CAPN13: variants seen among roughly 807,000 people sequenced by gnomAD.
CAPN13 encodes calpain-13.
A neutral mutation model predicts 98.4 loss-of-function variants in CAPN13; 90 were observed. That is an observed-to-expected ratio of 0.92 (90% CI 0.77 to 1.09). The LOEUF is 1.09. Among genes scored for constraint, CAPN13 ranks in the 50% least tolerant of loss-of-function variants. CAPN13 has a pLI of 0.00. For synonymous variants in CAPN13, 330 were observed against 305.5 expected (o/e 1.08, Z -0.84); for missense variants, 887 against 841.3 (o/e 1.05, Z -0.67).
chr2:30,777,009 G>T (rs1308260360), intron 3 of CAPN13, among the ~76,000 whole-genome samples: 1 of 152,190 alleles, frequency 6.6e-6, no homozygotes, highest in Non-Finnish European at 1.5e-5. Flanking sequence ...TTCTCAGAAG[G>T]GTTGTTGTTT....
At chr2:30,772,814 G>C (rs1044811646) in intron 4 of CAPN13, among the ~76,000 whole-genome samples, 3 of 131,874 alleles carry the variant, frequency 2.3e-5, no homozygotes, top group Admixed American at 8.7e-5. Context: ...CAAGGAGAGA[G>C]AGCATTTCTT....
At chr2:30,797,775 T>A (rs1464151239) in intron 1 of CAPN13, among the ~76,000 whole-genome samples, 1 of 152,196 alleles carries the variant, frequency 6.6e-6, no homozygotes, top group Non-Finnish European at 1.5e-5. Flanking sequence ...GACTGTCATC[T>A]CCTCTACCTG....
chr2:30,736,050 G>A (rs1461498269), intron 18 of CAPN13, among the ~76,000 whole-genome samples: 1 of 152,084 alleles, frequency 6.6e-6, no homozygotes, highest in Non-Finnish European at 1.5e-5. Context: ...CCCCAAATAG[G>A]GACCCACTTA....
Position 30,802,552 on chromosome 2 carries a change from G to T in CAPN13, c.-33+4750C>A, listed in dbSNP as rs867097632. Among the ~76,000 whole-genome samples, 310 of 149,592 alleles carry T rather than the reference G, an allele frequency of 2.1e-3. 3 individuals are homozygous for T. The highest frequency in any genetic ancestry group is 6.6e-3 in the African/African-American group (266 of 40,140). ...CAGAGAAAGGCAGGCTGGGGGGGGG[G>T]GGTGGTGGTTAGACCTCTGAGGTTT... is the stretch of plus-strand genomic sequence containing the variant. On this transcript the variant is annotated intron_variant, in intron 1 of 22. Transcript: ENST00000295055.
intron 5 of CAPN13, among the ~76,000 whole-genome samples, chr2:30,767,714 A>C (rs12478632): frequency 0.76 from 115,684 of 152,150 alleles, 44,491 homozygotes; most frequent in African/African-American, 0.87. Flanking sequence ...TGAATAAAAA[A>C]TTTAGTTTTT....
intron 17 of CAPN13, 186 bp downstream of exon 17, chr2:30,738,049 T>C (rs1336132746): frequency 1.5e-6 from 1 of 658,662 alleles, no homozygotes; most frequent in East Asian, 2.8e-5. Flanking sequence ...TGATAGATGG[T>C]AACTATTATC....
rs373056631 is a variant in CAPN13 at position 30,753,057 on chromosome 2, A to G, written c.1083T>C (p.Thr361=). ...MFRKQVILGN[T]AGGPRNDAQF... Reference sequence around the variant, plus strand: ...GACCACCAGCGTCATGATTACCTGCAGTGTTTCCTAGAATCACTTGCTTCC... The same window carrying G: ...GACCACCAGCGTCATGATTACCTGCGGTGTTTCCTAGAATCACTTGCTTCC... Residue 361 remains threonine, a synonymous_variant, in exon 10 of 23, where the codon ACT becomes ACC. Coordinates refer to ENST00000295055, the MANE Select transcript of CAPN13 (RefSeq NM_144575.3). The G allele has an allele frequency of 3.7e-6, 6 of 1,613,896 alleles. No individual in the cohort carries two copies. The highest frequency in any genetic ancestry group is 4.2e-6 in the Non-Finnish European group (5 of 1,179,834).
At chr2:30,792,395 G>A (rs1248650803) in intron 1 of CAPN13, among the ~76,000 whole-genome samples, 1 of 152,076 alleles carries the variant, frequency 6.6e-6, no homozygotes, top group South Asian at 2.1e-4. Context: ...ACATCCTATA[G>A]ACATTAAAGG....
chr2:30,785,469 C>A (rs1674225093), intron 2 of CAPN13, among the ~76,000 whole-genome samples: 1 of 152,148 alleles, frequency 6.6e-6, no homozygotes, highest in Admixed American at 6.5e-5. Flanking sequence ...TCCCCAGTCC[C>A]CCCAGTAGAG....
intron 15 of CAPN13, among the ~76,000 whole-genome samples, chr2:30,739,439 C>A (rs1671543974): frequency 6.6e-6 from 1 of 152,032 alleles, no homozygotes; most frequent in Non-Finnish European, 1.5e-5. Context: ...CAGAGCCTGT[C>A]CAGATGGGGT....
rs1558351692 is a variant in CAPN13 at position 30,800,149 on chromosome 2, AAAG to A, written c.-33+7150_-33+7152del. Reference sequence around the variant, plus strand: ...GAAAGAAAGAAAGAAAGAAAGAAAGAAAGAAAGAAAGAAAGAAAGAAAGAAAGA... The same window carrying A: ...GAAAGAAAGAAAGAAAGAAAGAAAGAAAAGAAAGAAAGAAAGAAAGAAAGA... On this transcript the variant is annotated intron_variant, in intron 1 of 22. Transcript: ENST00000295055. Among the ~76,000 whole-genome samples the A allele has an allele frequency of 2.8e-3, 421 of 148,908 alleles. 2 individuals are homozygous for A. The highest frequency in any genetic ancestry group is 0.01 in the African/African-American group (406 of 39,326).
intron 17 of CAPN13, chr2:30,737,421 T>C (rs1390434808): frequency 6.6e-6 from 1 of 152,504 alleles, no homozygotes; most frequent in African/African-American, 2.4e-5. Flanking sequence ...TCTACACTCA[T>C]GGAGTCAGCC....
At chr2:30,783,745 T>C (rs1674111982) in intron 2 of CAPN13, among the ~76,000 whole-genome samples, 1 of 152,152 alleles carries the variant, frequency 6.6e-6, no homozygotes, top group Non-Finnish European at 1.5e-5. Context: ...AGGAAAAACT[T>C]AGAATGTGGA....
intron 12 of CAPN13, 144 bp from the exon 13 acceptor site, chr2:30,743,723 C>A: frequency 1.3e-6 from 1 of 769,968 alleles, no homozygotes; most frequent in Non-Finnish European, 2.2e-6. Flanking sequence ...CAGTGCTCAG[C>A]TGAAGTCTCA....
At chr2:30,770,534 C>G in intron 4 of CAPN13, 85 bp from the exon 5 acceptor site, 1 of 1,514,228 alleles carries the variant, frequency 6.6e-7, no homozygotes, top group Non-Finnish European at 9.0e-7. Flanking sequence ...AAAGTTGCAA[C>G]ATGACCTCTA....
intron 22 of CAPN13, among the ~76,000 whole-genome samples, chr2:30,727,035 CATTCTTAT>C (rs1402661550): frequency 1.3e-5 from 2 of 152,164 alleles, no homozygotes; most frequent in African/African-American, 4.8e-5. Context: ...TCCATAAATA[CATTCTTAT>C]ATTAAATTGA....
At chr2:30,800,538 G>T (rs1034729446) in intron 1 of CAPN13, among the ~76,000 whole-genome samples, 3 of 152,170 alleles carry the variant, frequency 2.0e-5, no homozygotes, top group Non-Finnish European at 2.9e-5. Context: ...TGGGCCTTGG[G>T]CACGTCGCTC....
intron 1 of CAPN13, among the ~76,000 whole-genome samples, chr2:30,804,903 T>G (rs1363542600): frequency 6.6e-6 from 1 of 152,208 alleles, no homozygotes; most frequent in Admixed American, 6.5e-5. Context: ...GCAGGAACAT[T>G]AGTGCTGTAC....
chr2:30,754,451 A>C, intron 8 of CAPN13, 87 bp from the exon 9 acceptor site: 1 of 1,081,974 alleles, frequency 9.2e-7, no homozygotes, highest in South Asian at 1.8e-5. Flanking sequence ...CCCTCTGTAC[A>C]TGTCACCATT....
Sources: gnomAD v4.1 joint callset for allele counts (sites outside exome capture counted in the v4.1 genomes callset) on GRCh38, gnomAD v4.1.1 for gene constraint, MANE v1.5 for transcripts, NCBI Gene and HGNC (gene_info 2026-07-23, HGNC 2026-07-21) for gene names.